Variants in PID1 observed in about 807,000 individuals in gnomAD.
PID1 encodes phosphotyrosine interaction domain containing 1.
In PID1, 10 loss-of-function variants were observed where a neutral mutation model predicts 19.1. The observed-to-expected ratio is 0.52, with a 90% CI of 0.32 to 0.89. The LOEUF is 0.89. Ranked by LOEUF, PID1 falls within the 40% of genes least tolerant of loss-of-function variation. The pLI is 0.03. For synonymous variants in PID1, 130 were observed against 116.0 expected (o/e 1.12, Z -0.78); for missense variants, 248 against 285.3 (o/e 0.87, Z 0.94).
rs546356133 is a variant in PID1, at chr2:229,235,869, G to T, written c.30+35145C>A. 2.0e-5 allele frequency among the ~76,000 whole-genome samples: 3 copies of T among 152,160 alleles called. No homozygotes were observed. In the East Asian group the frequency reaches 5.8e-4, roughly 29 times the overall value. The stretch of plus-strand genomic sequence containing the variant: ...TGATGGCTTCCAGGCATCTCGGGAC[G>T]GGGGGCCAGGCAGGAGGGAATAAAA... On this transcript the variant is annotated intron_variant, in intron 1 of 2. Coordinates refer to ENST00000392055, the MANE Select transcript of PID1 (RefSeq NM_001100818.2).
At chr2:229,225,051 A>G (rs749715678) in intron 1 of PID1, among the ~76,000 whole-genome samples, 1 of 152,152 alleles carries the variant, frequency 6.6e-6, no homozygotes, top group African/African-American at 2.4e-5. Context: ...AATTGATACT[A>G]TAAGGTTAGT....
Position 229,260,463 on chromosome 2 carries a change from C to CAT in PID1, c.30+10549_30+10550dup, listed in dbSNP as rs3084671. Among the ~76,000 whole-genome samples the CAT allele has an allele frequency of 2.5e-3, 375 of 147,878 alleles. 1 individual carries two copies. Among genetic ancestry groups the CAT allele is most frequent in the South Asian group, 8.0e-3 (37 of 4,642 alleles). On this transcript the variant is annotated intron_variant, in intron 1 of 2. Transcript: ENST00000392055. ...TAAAGTAGAATTTTTTAAAAAGTTG[C>CAT]ATATATATATATATATGTATATATG...
intron 1 of PID1, among the ~76,000 whole-genome samples, chr2:229,270,719 G>T (rs963471758): frequency 2.0e-5 from 3 of 150,382 alleles, no homozygotes; most frequent in Non-Finnish European, 4.4e-5. Context: ...TCAGTGGAAT[G>T]CAATCTAAAT....
intron 1 of PID1, among the ~76,000 whole-genome samples, chr2:229,242,467 A>G (rs1469121820): frequency 6.6e-6 from 1 of 152,036 alleles, no homozygotes; most frequent in Non-Finnish European, 1.5e-5. Context: ...GGCTGACTCC[A>G]TATCTGGCCT....
At position 229,237,004 on chromosome 2, in the gene PID1, AC is replaced by A. The variant is rs1347492928; in HGVS notation, c.30+34009del. Among the ~76,000 whole-genome samples the A allele has an allele frequency of 1.4e-4, 21 of 151,688 alleles. No individual in the cohort carries two copies. In the East Asian group the frequency reaches 3.3e-3, roughly 24 times the overall value. On this transcript the variant is annotated intron_variant, in intron 1 of 2. Coordinates refer to ENST00000392055, the MANE Select transcript of PID1 (RefSeq NM_001100818.2). Reference sequence around the variant, plus strand: ...CACACACATACACACACACACACACACACACACACACACACACACACTGACT... The same window carrying A: ...CACACACATACACACACACACACACAACACACACACACACACACACTGACT...
intron 1 of PID1, among the ~76,000 whole-genome samples, chr2:229,270,806 C>T (rs1259767419): frequency 1.2e-4 from 19 of 152,184 alleles, no homozygotes; most frequent in Non-Finnish European, 2.9e-5. Context: ...GTTGTAACGC[C>T]TGAACCCGTG....
At chr2:229,195,389 A>G (rs973268049) in intron 1 of PID1, among the ~76,000 whole-genome samples, 2 of 151,858 alleles carry the variant, frequency 1.3e-5, no homozygotes, top group Non-Finnish European at 2.9e-5. Flanking sequence ...ACACATGTAT[A>G]TACATATACA....
chr2:229,215,276 A>T (rs1048900704), intron 1 of PID1, among the ~76,000 whole-genome samples: 2 of 152,208 alleles, frequency 1.3e-5, no homozygotes, highest in African/African-American at 4.8e-5. Flanking sequence ...GTTTATTGAA[A>T]ATCGGTACTT....
chr2:229,070,347 G>A (rs1048474841), intron 2 of PID1, among the ~76,000 whole-genome samples: 6 of 152,106 alleles, frequency 3.9e-5, no homozygotes, highest in South Asian at 4.1e-4. Flanking sequence ...TTTTATCATC[G>A]AAAATTGGAC....
intron 2 of PID1, among the ~76,000 whole-genome samples, chr2:229,059,662 C>A (rs1382274126): frequency 6.6e-6 from 1 of 152,188 alleles, no homozygotes; most frequent in Non-Finnish European, 1.5e-5. Context: ...TCTCAGCTAG[C>A]AAGTTTACTG....
chr2:229,269,071 T>A (rs536319146), intron 1 of PID1, among the ~76,000 whole-genome samples: 1 of 152,146 alleles, frequency 6.6e-6, no homozygotes, highest in Admixed American at 6.5e-5. Flanking sequence ...AGGCTTGAGA[T>A]GTATGTACTT....
chr2:229,026,238 C>G, intron 2 of PID1, 130 bp from the exon 3 acceptor site: 3 of 668,024 alleles, frequency 4.5e-6, no homozygotes, highest in Non-Finnish European at 7.8e-6. Context: ...CTTTCTTGCT[C>G]CCTGAAAGAA....
At chr2:229,173,775 C>T (rs1045714136) in intron 1 of PID1, among the ~76,000 whole-genome samples, 3 of 152,170 alleles carry the variant, frequency 2.0e-5, no homozygotes, top group African/African-American at 7.2e-5. Flanking sequence ...GAAGCTTCTT[C>T]CAAAGCCAAG....
chr2:229,224,809 T>TTGAC (rs1692043195), intron 1 of PID1, among the ~76,000 whole-genome samples: 1 of 143,388 alleles, frequency 7.0e-6, no homozygotes, highest in African/African-American at 2.6e-5. Context: ...TGTGGTATAC[T>TTGAC]TGACTGACTG....
At chr2:229,180,869 G>A (rs1010206638) in intron 1 of PID1, among the ~76,000 whole-genome samples, 1 of 152,222 alleles carries the variant, frequency 6.6e-6, no homozygotes, top group Admixed American at 6.5e-5. Flanking sequence ...TCGGAACGGC[G>A]CTCGCCCATC....
intron 2 of PID1, among the ~76,000 whole-genome samples, chr2:229,086,840 T>C (rs1694776833): frequency 6.6e-6 from 1 of 151,920 alleles, no homozygotes; most frequent in Non-Finnish European, 1.5e-5. Flanking sequence ...TGCTTCATAT[T>C]TGCAGAGCAT....
intron 1 of PID1, among the ~76,000 whole-genome samples, chr2:229,197,115 A>G (rs965648494): frequency 1.3e-5 from 2 of 152,034 alleles, no homozygotes; most frequent in Non-Finnish European, 2.9e-5. Flanking sequence ...AGTCAACAAA[A>G]AACACATTAG....
intron 2 of PID1, among the ~76,000 whole-genome samples, chr2:229,103,259 G>A (rs1350558647): frequency 1.3e-5 from 2 of 152,158 alleles, no homozygotes; most frequent in Non-Finnish European, 2.9e-5. Context: ...TCATGTGACT[G>A]GCACTTGTCA....
At chr2:229,038,448 T>G (rs1693706269) in intron 2 of PID1, among the ~76,000 whole-genome samples, 1 of 152,180 alleles carries the variant, frequency 6.6e-6, no homozygotes, top group African/African-American at 2.4e-5. Flanking sequence ...TTACATACTA[T>G]ATGATTCTAT....
Sources: allele counts gnomAD v4.1 joint callset (sites outside exome capture counted in the v4.1 genomes callset), GRCh38; gene constraint gnomAD v4.1.1; transcripts MANE v1.5; gene names NCBI Gene and HGNC (gene_info 2026-07-23, HGNC 2026-07-21).